RNF123: variants seen among roughly 807,000 people sequenced by gnomAD.
RNF123 encodes E3 ubiquitin-protein ligase RNF123.
RNF123 carries 86 observed loss-of-function variants against 168.5 expected under a neutral mutation model. The observed-to-expected ratio is 0.51, with a 90% confidence interval of 0.43 to 0.61. The LOEUF (loss-of-function observed/expected upper bound fraction) is 0.61. RNF123 is among the 20% of genes least tolerant of loss of function. The pLI is 0.00. For synonymous variants in RNF123, 666 were observed against 689.1 expected (o/e 0.97, Z 0.52); for missense variants, 1,419 against 1,729.7 (o/e 0.82, Z 3.19).
At chr3:49,705,396 C>A in intron 23 of RNF123, 138 bp from the exon 24 acceptor site, 1 of 1,314,402 alleles carries the variant, frequency 7.6e-7, no homozygotes, top group Non-Finnish European at 1.0e-6. Flanking sequence ...CCACCCCTAC[C>A]CCCATGCCCC....
At chr3:49,711,230 G>A (rs1266309675) in intron 26 of RNF123, among the ~76,000 whole-genome samples, 1 of 152,192 alleles carries the variant, frequency 6.6e-6, no homozygotes, top group Non-Finnish European at 1.5e-5. Context: ...GATCACATGA[G>A]CCCAGGAGTT....
chr3:49,721,224 C>T lies in RNF123; in HGVS notation c.3864C>T (p.Cys1288=). ...AGCACCTGATGAACAACAAGGACTGCTTCTTCTGCAAAACCACCATCGTGT... is the reference window on the plus strand; with the variant it reads ...AGCACCTGATGAACAACAAGGACTGTTTCTTCTGCAAAACCACCATCGTGT... ...INQHLMNNKD[C]FFCKTTIVSV... Residue 1288 remains cysteine, a synonymous_variant, in exon 39 of 39, where the codon TGC becomes TGT. Transcript: ENST00000327697. 1 of 1,614,200 alleles carries T rather than the reference C, an allele frequency of 6.2e-7. No individual in the cohort carries two copies. Among genetic ancestry groups the T allele is most frequent in the Non-Finnish European group, 8.5e-7 (1 of 1,180,026 alleles).
chr3:49,721,105 A>T lies in RNF123; in HGVS notation c.3824A>T (p.Lys1275Ile). The T allele has an allele frequency of 6.2e-7, 1 of 1,613,970 alleles. No homozygotes were observed. Residue 1275 changes from lysine (K) to isoleucine (I), a missense_variant and splice_region_variant, in exon 38 of 39, where the codon AAA becomes ATA. Coordinates refer to ENST00000327697, the MANE Select transcript of RNF123 (RefSeq NM_022064.5). ...VFQPCGHKSC[K>I]ACINQHLMNN... ...CAGCCCTGTGGCCACAAGTCCTGCA[A>T]GTAAGTGGGCCCCACAGCTTGGTGG...
rs887759264 is a variant in RNF123, at chr3:49,701,890, G to A, written c.1475G>A (p.Arg492Gln). ...RRRAYERGCQ[R>Q]LRKRIEVVEE... ...CGAGCCTACGAACGGGGCTGTCAGC[G>A]GCTCAGGAAGCGCATCGAAGGTCAG... The change falls in exon 17 of 39, where the codon CGG becomes CAG. Residue 492 changes from arginine (R) to glutamine (Q), a missense_variant. Physicochemically the swap from Arg to Gln is conservative, Grantham distance 43 (BLOSUM62 1). This residue lies in a region of RNF123 where 349 missense variants were observed against 344.9 expected (regional missense o/e 1.01). Coordinates refer to ENST00000327697, the MANE Select transcript of RNF123 (RefSeq NM_022064.5). 12 of 1,562,822 alleles carry A rather than the reference G, an allele frequency of 7.7e-6. No individual in the cohort carries two copies. Among genetic ancestry groups the A allele is most frequent in the African/African-American group, 6.7e-5 (5 of 74,234 alleles).
At chr3:49,718,945 AAGG>A (rs1196382136) in intron 35 of RNF123, 10 of 1,613,628 alleles carry the variant, frequency 6.2e-6, no homozygotes, top group Non-Finnish European at 8.5e-6. Context: ...CAGGTGGTCG[AAGG>A]AGAACGAGGC....
chr3:49,705,249 G>T, intron 23 of RNF123, 67 bp downstream of exon 23: 1 of 1,526,058 alleles, frequency 6.6e-7, no homozygotes, highest in Non-Finnish European at 8.9e-7. Context: ...CCCCGATCCG[G>T]GCAAAGCCAA....
At chr3:49,718,743 G>A in intron 35 of RNF123, 2 of 1,613,118 alleles carry the variant, frequency 1.2e-6, no homozygotes, top group Non-Finnish European at 1.7e-6. Flanking sequence ...AGTCGCGCAC[G>A]GCGCTCAGGC....
chr3:49,712,572 G>A lies in RNF123; in HGVS notation c.2590G>A (p.Glu864Lys), dbSNP rs144744963. ...AGGGTCTCTCTTTGCCTTCATGCCC[G>A]AGTTCTACCTGAGCGTGGCCATCAA... Reference protein sequence around the residue: ...RTGSLFAFMPEFYLSVAINSY... With the variant: ...RTGSLFAFMPKFYLSVAINSY... Residue 864 changes from glutamate to lysine, a missense_variant, in exon 27 of 39, where the codon GAG (glutamate) becomes AAG (lysine). Glu to Lys is a moderately conservative substitution (Grantham distance 56). Transcript: ENST00000327697. 6 of 1,614,166 alleles carry A rather than the reference G, an allele frequency of 3.7e-6. No individual in the cohort carries two copies. The East Asian group carries it at 6.7e-5, about 18-fold the overall frequency.
In RNF123 at chr3:49,702,126, C is replaced by A. The variant is rs1447076779; in HGVS notation, c.1539C>A (p.Asp513Glu). 1 of 1,614,090 alleles carries A rather than the reference C, an allele frequency of 6.2e-7. No homozygotes were observed. The highest frequency in any genetic ancestry group is 8.5e-7 in the Non-Finnish European group (1 of 1,180,006). The change falls in exon 18 of 39, where the codon GAC becomes GAA. Residue 513 changes from aspartate (D) to glutamate (E), a missense_variant. Around this residue, in one of 5 missense-constraint regions of RNF123, gnomAD observed 349 missense variants for 344.9 expected, o/e 1.01. Transcript: ENST00000327697. ...TCCAGATCCTGAAGCTGCTGCTGGA[C>A]AATAAAGATGACAATGGGGTGAGTG... ...LQVQILKLLL[D>E]NKDDNGGEAS...
In RNF123 at chr3:49,706,827, A is replaced by G. The variant is rs1398716055; in HGVS notation, c.2425A>G (p.Lys809Glu). ...DILAELTKSQKVFSEKLDHLS... is the reference protein window; with the variant it reads ...DILAELTKSQEVFSEKLDHLS... ...CCTTGCAGAGTTGACCAAGAGCCAG[A>G]AGGTTTTCTCAGAAAAGCTGGACCA... Residue 809 changes from lysine (K) to glutamate (E), a missense_variant, in exon 26 of 39, where the codon AAG becomes GAG. This residue lies in a region of RNF123 where 538 missense variants were observed against 708.8 expected (regional missense o/e 0.76). Transcript: ENST00000327697. 1 of 1,614,048 alleles carries G rather than the reference A, an allele frequency of 6.2e-7. No individual in the cohort carries two copies. The highest frequency in any genetic ancestry group is 8.5e-7 in the Non-Finnish European group (1 of 1,180,016).
At chr3:49,718,354 A>C (rs753941544) in intron 35 of RNF123, 2 of 1,613,386 alleles carry the variant, frequency 1.2e-6, no homozygotes, top group African/African-American at 1.3e-5. Flanking sequence ...CGGAAAGTGC[A>C]CGCTCACGTT....
At chr3:49,719,482 G>A (rs775430362) in intron 35 of RNF123, 41 of 1,600,338 alleles carry the variant, frequency 2.6e-5, no homozygotes, top group East Asian at 1.8e-4. Context: ...GACCACCAGG[G>A]ACAGTACAGA....
rs968937363 is a variant in RNF123 at position 49,694,788 on chromosome 3, C to T, written c.168-2355C>T. ...AGTTCCTGCCCACCCCCACCCCATA[C>T]TCAGTCCTGGCCTGTTCTCAGAGCC... On this transcript the variant is annotated intron_variant, in intron 3 of 38. Coordinates refer to ENST00000327697, the MANE Select transcript of RNF123 (RefSeq NM_022064.5). 3.9e-5 allele frequency among the ~76,000 whole-genome samples: 6 copies of T among 152,014 alleles called. No individual in the cohort carries two copies. The East Asian group carries it at 1.2e-3, about 29-fold the overall frequency.
chr3:49,698,319 C>T (rs150180251), intron 7 of RNF123, 121 bp from the exon 8 acceptor site: 55 of 979,102 alleles, frequency 5.6e-5, no homozygotes, highest in Middle Eastern at 3.1e-4. Flanking sequence ...ACCTCTTACT[C>T]TTTCCCTCAG....
In RNF123 at chr3:49,713,525, C is replaced by A. The variant is rs1258560145; in HGVS notation, c.2687C>A (p.Thr896Asn). ...CCCACCCTTGCAGGCTATGAAGAGA[C>A]CCTGACCCGCCTGGCTGCCATTCTC... ...SMEELPGYEE[T>N]LTRLAAILAK... The change falls in exon 28 of 39, where the codon ACC (threonine) becomes AAC (asparagine). Residue 896 changes from threonine (T) to asparagine (N), a missense_variant. Around this residue, in one of 5 missense-constraint regions of RNF123, gnomAD observed 538 missense variants for 708.8 expected, o/e 0.76. Coordinates refer to ENST00000327697, the MANE Select transcript of RNF123 (RefSeq NM_022064.5). The A allele has an allele frequency of 1.2e-6, 2 of 1,609,988 alleles. No homozygotes were observed. The highest frequency in any genetic ancestry group is 1.1e-5 in the South Asian group (1 of 90,240).
intron 35 of RNF123, chr3:49,718,575 C>A: frequency 4.3e-6 from 7 of 1,613,110 alleles, no homozygotes; most frequent in Non-Finnish European, 5.9e-6. Context: ...TGCAGTAAAG[C>A]CTCAGGGACC....
At chr3:49,691,689 G>A (rs2054169993) in intron 3 of RNF123, among the ~76,000 whole-genome samples, 180 bp downstream of exon 3, 1 of 152,238 alleles carries the variant, frequency 6.6e-6, no homozygotes, top group South Asian at 2.1e-4. Flanking sequence ...GCTTCTTCCT[G>A]TCTCCAGGCA....
chr3:49,690,166 G>A (rs1336920067), intron 1 of RNF123, among the ~76,000 whole-genome samples: 2 of 152,188 alleles, frequency 1.3e-5, no homozygotes, highest in African/African-American at 2.4e-5. Flanking sequence ...GAACTGCAGA[G>A]TAGGGAGTGC....
At chr3:49,709,305 ATTT>A (rs1051925055) in intron 26 of RNF123, among the ~76,000 whole-genome samples, 1 of 78,460 alleles carries the variant, frequency 1.3e-5, no homozygotes. Context: ...CTAATTTTGT[ATTT>A]TTTTTTTTTT....
Sources: allele counts gnomAD v4.1 joint callset (sites outside exome capture counted in the v4.1 genomes callset), GRCh38; gene constraint gnomAD v4.1.1; regional missense constraint gnomAD v4.1.1; transcripts MANE v1.5; gene names NCBI Gene and HGNC (gene_info 2026-07-23, HGNC 2026-07-21).